The following CORO2B variants were observed in gnomAD, a reference collection of about 807,000 sequenced individuals.
The protein encoded by CORO2B is coronin-2B.
CORO2B carries 26 observed loss-of-function variants against 58.8 expected under a neutral mutation model. That is an observed-to-expected ratio of 0.44 (90% CI 0.32 to 0.61). The LOEUF is 0.61. Among genes scored for constraint, CORO2B ranks in the 20% least tolerant of loss-of-function variants. The pLI is 0.04. For synonymous variants in CORO2B, 242 were observed against 253.8 expected (o/e 0.95, Z 0.44); for missense variants, 460 against 645.1 (o/e 0.71, Z 3.11).
chr15:68,544,205 C>G, the CORO2B span, among the ~76,000 whole-genome samples: 2 of 152,356 alleles, frequency 1.3e-5, no homozygotes, highest in East Asian at 3.9e-4. Flanking sequence ...AACTATATCT[C>G]TCTCTGGCTC....
chr15:68,540,681 T>C, the CORO2B span, among the ~76,000 whole-genome samples: 1 of 152,236 alleles, frequency 6.6e-6, no homozygotes, highest in African/African-American at 2.4e-5. Flanking sequence ...AGGGTCAATA[T>C]TTAATAACAT....
intron 1 of CORO2B, among the ~76,000 whole-genome samples, chr15:68,620,164 G>A (rs930546422): frequency 1.3e-5 from 2 of 152,102 alleles, no homozygotes; most frequent in African/African-American, 2.4e-5. Flanking sequence ...CACCCGCCTT[G>A]GCCTCCCAAA....
chr15:68,698,002 A>C (rs1892554959), intron 3 of CORO2B, among the ~76,000 whole-genome samples: 1 of 151,926 alleles, frequency 6.6e-6, no homozygotes, highest in Non-Finnish European at 1.5e-5. Flanking sequence ...AGCTGGTGTC[A>C]CCAGCCAGCA....
chr15:68,723,886 G>A (rs917335478), intron 11 of CORO2B, among the ~76,000 whole-genome samples: 9 of 152,094 alleles, frequency 5.9e-5, no homozygotes, highest in Admixed American at 3.3e-4. Flanking sequence ...TCCAGCCTGG[G>A]CAACATGGCA....
At chr15:68,567,803 C>T in the CORO2B span, among the ~76,000 whole-genome samples, 2 of 152,132 alleles carry the variant, frequency 1.3e-5, no homozygotes, top group African/African-American at 2.4e-5. Flanking sequence ...AGGTGGATCA[C>T]GAGGTCAGGA....
the CORO2B span, among the ~76,000 whole-genome samples, chr15:68,547,458 T>C: frequency 6.6e-6 from 1 of 152,104 alleles, no homozygotes; most frequent in Non-Finnish European, 1.5e-5. Context: ...ACAATGATAG[T>C]TGTTAATATT....
intron 1 of CORO2B, among the ~76,000 whole-genome samples, chr15:68,633,420 T>TA (rs897671709): frequency 1.1e-4 from 16 of 151,282 alleles, no homozygotes; most frequent in African/African-American, 2.7e-4. Flanking sequence ...AAGTTTAATT[T>TA]AAAAAAAAAG....
intron 1 of CORO2B, among the ~76,000 whole-genome samples, chr15:68,611,356 T>A (rs928733275): frequency 6.6e-6 from 1 of 152,236 alleles, no homozygotes; most frequent in African/African-American, 2.4e-5. Context: ...CCTCCCAAGG[T>A]ACCACCCTTT....
At chr15:68,669,084 AGAG>A (rs1902296471) in intron 2 of CORO2B, among the ~76,000 whole-genome samples, 5 of 150,908 alleles carry the variant, frequency 3.3e-5, no homozygotes, top group African/African-American at 2.5e-5. Flanking sequence ...AGAGAGAGAG[AGAG>A]AAAGAAGGAA....
intron 1 of CORO2B, among the ~76,000 whole-genome samples, chr15:68,604,660 T>C (rs1481395169): frequency 6.6e-6 from 1 of 151,946 alleles, no homozygotes; most frequent in East Asian, 1.9e-4. Context: ...CAGCCCCAAT[T>C]CCTCATCCCA....
intron 2 of CORO2B, among the ~76,000 whole-genome samples, chr15:68,681,084 G>T (rs954588473): frequency 6.6e-6 from 1 of 152,072 alleles, no homozygotes; most frequent in Non-Finnish European, 1.5e-5. Flanking sequence ...ATGATGGCAG[G>T]TGCCTGTAAT....
chr15:68,712,438 A>G (rs1381444823), intron 5 of CORO2B, among the ~76,000 whole-genome samples: 1 of 152,202 alleles, frequency 6.6e-6, no homozygotes, highest in Non-Finnish European at 1.5e-5. Flanking sequence ...CTTTTTGAGC[A>G]CTGACATAAC....
chr15:68,590,941 T>C (rs1427989583), intron 1 of CORO2B, among the ~76,000 whole-genome samples: 1 of 152,180 alleles, frequency 6.6e-6, no homozygotes, highest in Admixed American at 6.5e-5. Context: ...ATCCCTACCC[T>C]TGTGCAAATA....
At chr15:68,711,281 A>T (rs1892910676) in intron 4 of CORO2B, among the ~76,000 whole-genome samples, 1 of 152,200 alleles carries the variant, frequency 6.6e-6, no homozygotes. Flanking sequence ...ATGGGACCTG[A>T]CAAGGAACAT....
At chr15:68,588,707 T>A (rs1899627751) in intron 1 of CORO2B, among the ~76,000 whole-genome samples, 1 of 152,242 alleles carries the variant, frequency 6.6e-6, no homozygotes, top group Non-Finnish European at 1.5e-5. Flanking sequence ...AGCAAATCAT[T>A]TAAACACCTT....
chr15:68,554,554 T>G, the CORO2B span, among the ~76,000 whole-genome samples: 1 of 152,278 alleles, frequency 6.6e-6, no homozygotes, highest in South Asian at 2.1e-4. Context: ...GTCCTATGAC[T>G]GCTGAACCTC....
intron 1 of CORO2B, among the ~76,000 whole-genome samples, chr15:68,583,024 C>T (rs1899468702): frequency 6.6e-6 from 1 of 152,158 alleles, no homozygotes; most frequent in Non-Finnish European, 1.5e-5. Context: ...ACATGCTCCT[C>T]CCTGCTAAGC....
At chr15:68,560,165 A>G in the CORO2B span, among the ~76,000 whole-genome samples, 5 of 152,098 alleles carry the variant, frequency 3.3e-5, no homozygotes, top group African/African-American at 4.8e-5. Flanking sequence ...TTGAATGTGA[A>G]AGACAGGAGG....
At chr15:68,725,443 T>C (rs914514117) in intron 11 of CORO2B, among the ~76,000 whole-genome samples, 6 of 151,986 alleles carry the variant, frequency 3.9e-5, no homozygotes, top group Non-Finnish European at 7.4e-5. Flanking sequence ...ACATCTATTA[T>C]GTATTATTAT....
Sources: allele counts gnomAD v4.1 joint callset (sites outside exome capture counted in the v4.1 genomes callset), GRCh38; gene constraint gnomAD v4.1.1; transcripts MANE v1.5; gene names NCBI Gene and HGNC (gene_info 2026-07-23, HGNC 2026-07-21).